Variants in RCSD1 observed in about 807,000 individuals in gnomAD.
RCSD1 encodes the protein capZ-interacting protein.
In RCSD1, 26 loss-of-function variants were observed where a neutral mutation model predicts 42.5. The ratio of observed to expected loss-of-function variants is 0.61; its 90% CI spans 0.45 to 0.85. The LOEUF is 0.85. RCSD1 is among the 40% of genes least tolerant of loss of function. RCSD1 has a pLI of 0.00. For missense variants in RCSD1, 571 were observed against 528.3 expected (o/e 1.08, Z -0.79); for synonymous variants, 220 against 212.2 (o/e 1.04, Z -0.32).
In RCSD1 at chr1:167,673,387, A is replaced by G. The variant is rs78274404; in HGVS notation, c.7-10513A>G. Reference sequence around the variant, plus strand: ...CTTCCCTCATCATCTCGGCTTAAGAAATGAAGTCCACATGTTGCAGCACAG... The same window carrying G: ...CTTCCCTCATCATCTCGGCTTAAGAGATGAAGTCCACATGTTGCAGCACAG... On this transcript the variant is annotated intron_variant, in intron 1 of 6. Coordinates refer to ENST00000367854, the MANE Select transcript of RCSD1 (RefSeq NM_052862.4). Among the ~76,000 whole-genome samples the G allele has an allele frequency of 3.2e-3, 489 of 152,326 alleles. 3 individuals are homozygous for G. Among genetic ancestry groups the G allele is most frequent in the African/African-American group, 0.011 (465 of 41,580 alleles).
At chr1:167,699,226 C>G (rs1174448724) in intron 6 of RCSD1, among the ~76,000 whole-genome samples, 3 of 152,186 alleles carry the variant, frequency 2.0e-5, no homozygotes, top group Non-Finnish European at 4.4e-5. Context: ...TTATTCGCCT[C>G]TTGTATCAGG....
intron 4 of RCSD1, among the ~76,000 whole-genome samples, chr1:167,691,748 G>A (rs748214834): frequency 3.3e-5 from 5 of 152,250 alleles, no homozygotes; most frequent in Admixed American, 6.5e-5. Context: ...CCTACCCTGT[G>A]GAGGGTGGGG....
At chr1:167,657,954 G>T (rs891669061) in intron 1 of RCSD1, among the ~76,000 whole-genome samples, 1 of 151,750 alleles carries the variant, frequency 6.6e-6, no homozygotes, top group African/African-American at 2.4e-5. Context: ...TAGAGACAGG[G>T]TCTCACTCTG....
At chr1:167,701,287 T>C (rs548568875) in intron 6 of RCSD1, among the ~76,000 whole-genome samples, 4 of 147,130 alleles carry the variant, frequency 2.7e-5, no homozygotes, top group Admixed American at 1.4e-4. Flanking sequence ...TTTCTTTCTT[T>C]CTTTCTTTCT....
chr1:167,702,645 G>A (rs1039809836), intron 6 of RCSD1, among the ~76,000 whole-genome samples: 2 of 152,176 alleles, frequency 1.3e-5, no homozygotes, highest in African/African-American at 4.8e-5. Flanking sequence ...CAGGGGTGGT[G>A]GCGTGTGCCT....
At chr1:167,651,077 T>A (rs1658291253) in intron 1 of RCSD1, among the ~76,000 whole-genome samples, 1 of 152,214 alleles carries the variant, frequency 6.6e-6, no homozygotes, top group South Asian at 2.1e-4. Flanking sequence ...TCTCTTCTCA[T>A]AAGGACACCA....
At chr1:167,696,514 T>G (rs1659501473) in intron 5 of RCSD1, among the ~76,000 whole-genome samples, 1 of 151,792 alleles carries the variant, frequency 6.6e-6, no homozygotes, top group Admixed American at 6.6e-5. Flanking sequence ...TGCCATGGTG[T>G]GATGACAGCT....
chr1:167,704,307 C>G (rs953139400), intron 6 of RCSD1, among the ~76,000 whole-genome samples: 1 of 140,974 alleles, frequency 7.1e-6, no homozygotes, highest in Non-Finnish European at 1.6e-5. Flanking sequence ...ACTCAGGCAT[C>G]AAGGGTGGGC....
In RCSD1 at chr1:167,697,213, G is replaced by C. The variant is rs373658923; in HGVS notation, c.589G>C (p.Gly197Arg). Residue 197 changes from glycine to arginine, a missense_variant, in exon 6 of 7, where the codon GGT becomes CGT. Transcript: ENST00000367854. ...GGCGGTGGAGTCATCTCAGCAGAAC[G>C]GTGCTAAGGAAGAGGATGGGGATGA... Reference protein sequence around the residue: ...FRAVESSQQNGAKEEDGDEVL... With the variant: ...FRAVESSQQNRAKEEDGDEVL... The C allele has an allele frequency of 3.1e-6, 5 of 1,614,182 alleles. No homozygotes were observed. The highest frequency in any genetic ancestry group is 3.4e-6 in the Non-Finnish European group (4 of 1,180,034).
rs575890472 is a variant in RCSD1 at position 167,679,966 on chromosome 1, G to A, written c.7-3934G>A. 2.8e-4 allele frequency among the ~76,000 whole-genome samples: 42 copies of A among 152,266 alleles called. No homozygotes were observed. In the South Asian group the frequency reaches 6.4e-3, roughly 23 times the overall value. Reference sequence around the variant, plus strand: ...CAGACACAGGGGCTCCTCAGTTCTCGGAAGAAAGTCCCATAGAAATAGAAA... The same window carrying A: ...CAGACACAGGGGCTCCTCAGTTCTCAGAAGAAAGTCCCATAGAAATAGAAA... On this transcript the variant is annotated intron_variant, in intron 1 of 6. Coordinates refer to ENST00000367854, the MANE Select transcript of RCSD1 (RefSeq NM_052862.4).
At chr1:167,687,695 T>A (rs1272430852) in intron 3 of RCSD1, among the ~76,000 whole-genome samples, 3 of 152,148 alleles carry the variant, frequency 2.0e-5, no homozygotes, top group African/African-American at 7.2e-5. Flanking sequence ...AGGGACCCGG[T>A]CAGGCTACCC....
At chr1:167,689,705 G>A (rs991587402) in intron 3 of RCSD1, among the ~76,000 whole-genome samples, 9 of 152,092 alleles carry the variant, frequency 5.9e-5, no homozygotes, top group Admixed American at 3.9e-4. Context: ...CCCCCAAATT[G>A]TTGATTCACA....
chr1:167,635,694 A>G (rs1476992441), intron 1 of RCSD1, among the ~76,000 whole-genome samples: 1 of 152,238 alleles, frequency 6.6e-6, no homozygotes, highest in Non-Finnish European at 1.5e-5. Flanking sequence ...CTGTGGAGCC[A>G]GCCTGACCAA....
chr1:167,701,176 T>A (rs1164731871), intron 6 of RCSD1, among the ~76,000 whole-genome samples: 2 of 152,176 alleles, frequency 1.3e-5, no homozygotes, highest in Non-Finnish European at 2.9e-5. Context: ...CATCTCTGAA[T>A]GGAATGAGAG....
At chr1:167,689,315 C>G (rs893599190) in intron 3 of RCSD1, among the ~76,000 whole-genome samples, 1 of 151,994 alleles carries the variant, frequency 6.6e-6, no homozygotes, top group African/African-American at 2.4e-5. Context: ...AACCCTGTCT[C>G]TACTAAAAAT....
At chr1:167,703,322 C>T (rs890545155) in intron 6 of RCSD1, among the ~76,000 whole-genome samples, 3 of 152,108 alleles carry the variant, frequency 2.0e-5, no homozygotes, top group African/African-American at 7.2e-5. Flanking sequence ...CCCTCCTCAG[C>T]CCCGAGCATG....
chr1:167,634,661 T>C (rs2102192347), intron 1 of RCSD1, among the ~76,000 whole-genome samples: 1 of 152,286 alleles, frequency 6.6e-6, no homozygotes, highest in Middle Eastern at 3.4e-3. Flanking sequence ...AAAAGTATAA[T>C]TTTCGCTGAC....
chr1:167,637,147 G>C (rs1359341781), intron 1 of RCSD1, among the ~76,000 whole-genome samples: 1 of 152,180 alleles, frequency 6.6e-6, no homozygotes, highest in Non-Finnish European at 1.5e-5. Context: ...GTGAGTAAGA[G>C]TTAACCAAGG....
chr1:167,671,795 A>G (rs1231778429), intron 1 of RCSD1, among the ~76,000 whole-genome samples: 1 of 152,216 alleles, frequency 6.6e-6, no homozygotes, highest in Non-Finnish European at 1.5e-5. Context: ...CCCTCAGGCC[A>G]GAGTCCCAAC....
Sources: gnomAD v4.1 joint callset for allele counts (sites outside exome capture counted in the v4.1 genomes callset) on GRCh38, gnomAD v4.1.1 for gene constraint, MANE v1.5 for transcripts, NCBI Gene and HGNC (gene_info 2026-07-23, HGNC 2026-07-21) for gene names.